Variants in LMNB1 observed in about 807,000 individuals in gnomAD.
LMNB1 encodes the protein lamin-B1.
A neutral mutation model predicts 67.1 loss-of-function variants in LMNB1; 23 were observed. The observed-to-expected ratio is 0.34, with a 90% CI of 0.25 to 0.49. The LOEUF (loss-of-function observed/expected upper bound fraction) is 0.49. Ranked by LOEUF, LMNB1 falls within the 20% of genes least tolerant of loss-of-function variation. The pLI is 0.99. For synonymous variants in LMNB1, 281 were observed against 282.9 expected, an observed-to-expected ratio of 0.99 and a Z score of 0.07; for missense variants, 634 against 746.5, an observed-to-expected ratio of 0.85 and a Z score of 1.76.
intron 1 of LMNB1, among the ~76,000 whole-genome samples, chr5:126,784,329 G>A (rs945305439): frequency 2.2e-5 from 3 of 138,310 alleles, no homozygotes; most frequent in South Asian, 2.3e-4. Flanking sequence ...GCACCTGGCC[G>A]GCTGTCATTT....
chr5:126,815,337 G>T (rs577972079), intron 5 of LMNB1: 11 of 152,202 alleles, frequency 7.2e-5, no homozygotes, highest in African/African-American at 2.6e-4. Flanking sequence ...TATATAGATG[G>T]TAGCAGTGTT....
At chr5:126,830,062 A>G (rs979954453) in intron 9 of LMNB1, among the ~76,000 whole-genome samples, 1 of 152,260 alleles carries the variant, frequency 6.6e-6, no homozygotes, top group Non-Finnish European at 1.5e-5. Context: ...GAGATGCAAT[A>G]TATAAAATAT....
intron 9 of LMNB1, among the ~76,000 whole-genome samples, chr5:126,831,292 C>T (rs1023264870): frequency 6.6e-6 from 1 of 152,230 alleles, no homozygotes; most frequent in Non-Finnish European, 1.5e-5. Context: ...ATATGCTCTG[C>T]AGCACTCTTG....
intron 1 of LMNB1, among the ~76,000 whole-genome samples, chr5:126,802,358 CTT>C (rs1257264726): frequency 2.0e-5 from 3 of 152,096 alleles, no homozygotes; most frequent in Non-Finnish European, 2.9e-5. Context: ...TAAAAGTACT[CTT>C]TTACTTTTTT....
chr5:126,820,858 C>G, intron 6 of LMNB1, 52 bp from the exon 7 acceptor site: 4 of 1,316,538 alleles, frequency 3.0e-6, no homozygotes, highest in African/African-American at 1.5e-5. Context: ...TTTTTTAAGG[C>G]GAGAAGGGCA....
intron 9 of LMNB1, among the ~76,000 whole-genome samples, chr5:126,826,822 C>T (rs892254016): frequency 1.3e-5 from 2 of 152,226 alleles, no homozygotes; most frequent in African/African-American, 4.8e-5. Flanking sequence ...CACTGAGCCT[C>T]TGTTTAGAAT....
intron 5 of LMNB1, among the ~76,000 whole-genome samples, chr5:126,813,427 C>G (rs1203123292): frequency 6.6e-6 from 1 of 152,122 alleles, no homozygotes; most frequent in Non-Finnish European, 1.5e-5. Flanking sequence ...CCAGTTTTTC[C>G]TTTTATAACT....
chr5:126,783,484 A>G (rs1280607726), intron 1 of LMNB1, among the ~76,000 whole-genome samples: 1 of 152,134 alleles, frequency 6.6e-6, no homozygotes, highest in Non-Finnish European at 1.5e-5. Context: ...TTTTCAAGGG[A>G]AGACTTGGAA....
chr5:126,800,971 AT>A (rs1295537417), intron 1 of LMNB1, among the ~76,000 whole-genome samples: 3,895 of 57,592 alleles, frequency 0.068, 158 homozygotes, highest in South Asian at 0.09. Context: ...ATATATATAT[AT>A]ATATATATAA....
At position 126,788,046 on chromosome 5, in the gene LMNB1, G is replaced by A. The variant is rs1027777416; in HGVS notation, c.359+10179G>A. On this transcript the variant is annotated intron_variant, in intron 1 of 10. Coordinates refer to ENST00000261366, the MANE Select transcript of LMNB1 (RefSeq NM_005573.4). ...ACAAGGCAGCCCTTGAACTGAGGCAGGTGGAAGAAAGGAGAGAAGGTGGAT... is the reference window on the plus strand; with the variant it reads ...ACAAGGCAGCCCTTGAACTGAGGCAAGTGGAAGAAAGGAGAGAAGGTGGAT... Among the ~76,000 whole-genome samples, 3 of 152,068 alleles carry A rather than the reference G, an allele frequency of 2.0e-5. No individual in the cohort carries two copies. In the East Asian group the frequency reaches 5.8e-4, roughly 29 times the overall value.
intron 7 of LMNB1, among the ~76,000 whole-genome samples, chr5:126,822,013 C>CTTTTTT (rs34781275): frequency 2.0e-4 from 29 of 141,548 alleles, no homozygotes; most frequent in African/African-American, 7.6e-4. Context: ...TCTTTGTAGC[C>CTTTTTT]TTTTTTTTTT....
At chr5:126,811,141 T>A (rs574943294) in intron 4 of LMNB1, among the ~76,000 whole-genome samples, 1 of 152,354 alleles carries the variant, frequency 6.6e-6, no homozygotes, top group South Asian at 2.1e-4. Flanking sequence ...TTCAGTTGTA[T>A]AACATTTATC....
rs1284470110 is a variant in LMNB1, at chr5:126,836,382, T to C, written c.*118T>C. Reference sequence around the variant, plus strand: ...ATTTCCTTTATGTGAATTTTTAAGCTGCAAATCTGATGGCCTTAATTTCCT... The same window carrying C: ...ATTTCCTTTATGTGAATTTTTAAGCCGCAAATCTGATGGCCTTAATTTCCT... On this transcript the variant is annotated 3_prime_UTR_variant, in exon 11 of 11. Coordinates refer to ENST00000261366, the MANE Select transcript of LMNB1 (RefSeq NM_005573.4). 4 of 725,278 alleles carry C rather than the reference T, an allele frequency of 5.5e-6. No individual in the cohort carries two copies. Among genetic ancestry groups the C allele is most frequent in the Non-Finnish European group, 9.3e-6 (4 of 429,128 alleles). 44.9% of individuals were successfully genotyped at this position (725,278 alleles called of 1,614,324 possible).
intron 5 of LMNB1, among the ~76,000 whole-genome samples, chr5:126,818,011 T>C (rs930969346): frequency 1.3e-5 from 2 of 152,196 alleles, no homozygotes; most frequent in African/African-American, 2.4e-5. Context: ...TTATGCCAAA[T>C]ATACAGCTTC....
At chr5:126,777,926 G>A in intron 1 of LMNB1, 59 bp downstream of exon 1, 9 of 1,373,306 alleles carry the variant, frequency 6.6e-6, no homozygotes, top group Non-Finnish European at 7.5e-6. Context: ...CAACCGCGGC[G>A]ACCAGCTCAC....
intron 3 of LMNB1, among the ~76,000 whole-genome samples, chr5:126,808,226 C>T (rs967183217): frequency 6.6e-5 from 10 of 151,764 alleles, no homozygotes; most frequent in Admixed American, 2.6e-4. Flanking sequence ...CTCTGTTGCC[C>T]AGGCTGGTGT....
chr5:126,787,741 G>C (rs951806590), intron 1 of LMNB1, among the ~76,000 whole-genome samples: 2 of 151,222 alleles, frequency 1.3e-5, no homozygotes, highest in African/African-American at 4.9e-5. Flanking sequence ...AGTAGAGACA[G>C]GGTTTCAGTA....
At chr5:126,809,337 C>T (rs762853977) in intron 3 of LMNB1, among the ~76,000 whole-genome samples, 95 of 152,058 alleles carry the variant, frequency 6.2e-4, no homozygotes, top group Non-Finnish European at 1.1e-3. Flanking sequence ...AGCTTAATAC[C>T]GGCTTTTAAA....
intron 8 of LMNB1, 70 bp downstream of exon 8, chr5:126,822,955 T>C: frequency 9.8e-7 from 1 of 1,025,338 alleles, no homozygotes; most frequent in East Asian, 2.5e-5. Context: ...AAAAAGTTTT[T>C]TGGCTAAAAG....
Sources: allele counts gnomAD v4.1 joint callset (sites outside exome capture counted in the v4.1 genomes callset), GRCh38; gene constraint gnomAD v4.1.1; transcripts MANE v1.5; gene names NCBI Gene and HGNC (gene_info 2026-07-23, HGNC 2026-07-21).